SMARCC2: variants seen among roughly 807,000 people sequenced by gnomAD.
SMARCC2 encodes SWI/SNF related BAF chromatin remodeling complex subunit C2.
Under a neutral mutation model 151.3 loss-of-function variants are expected in SMARCC2, and 15 were observed. The ratio of observed to expected loss-of-function variants is 0.10; its 90% CI spans 0.07 to 0.15. The LOEUF is 0.15. SMARCC2 is among the 10% of genes least tolerant of loss of function. SMARCC2 has a pLI of 1.00. For synonymous variants in SMARCC2, 590 were observed against 609.5 expected, an observed-to-expected ratio of 0.97 and a Z score of 0.47; for missense variants, 1,031 against 1,599.7, an observed-to-expected ratio of 0.64 and a Z score of 6.06.
chr12:56,188,672 C>G (rs184829240), intron 1 of SMARCC2, among the ~76,000 whole-genome samples: 17 of 152,244 alleles, frequency 1.1e-4, no homozygotes, highest in Admixed American at 2.0e-4. Flanking sequence ...CAGGGTACTG[C>G]AAAGCTAGGT....
chr12:56,186,192 G>A lies in SMARCC2; in HGVS notation c.280C>T (p.Leu94Phe), dbSNP rs1010125057. The change falls in exon 3 of 29, where the codon CTT (leucine) becomes TTT (phenylalanine). Residue 94 changes from leucine (L) to phenylalanine (F), a missense_variant. Physicochemically the swap from Leu to Phe is conservative, Grantham distance 22. Transcript: ENST00000550164. ...FKAGGSLCHI[L>F]AAAYKFKSDQ... Reference sequence around the variant, plus strand: ...CTCTTGAATTTGTAGGCAGCTGCAAGAATGTGGCACAAGGAGCCTCCCGCT... The same window carrying A: ...CTCTTGAATTTGTAGGCAGCTGCAAAAATGTGGCACAAGGAGCCTCCCGCT... 1.2e-6 allele frequency: 2 copies of A among 1,612,966 alleles called. No homozygotes were observed. The highest frequency in any genetic ancestry group is 1.1e-5 in the South Asian group (1 of 91,058).
At chr12:56,183,140 T>C (rs1876564807) in intron 7 of SMARCC2, among the ~76,000 whole-genome samples, 1 of 151,894 alleles carries the variant, frequency 6.6e-6, no homozygotes, top group African/African-American at 2.4e-5. Flanking sequence ...GCACCCAGCC[T>C]ACGTGCTATT....
At position 56,177,613 on chromosome 12, in the gene SMARCC2, C is replaced by A. The variant is rs374587264; in HGVS notation, c.1382+409G>T. Among the ~76,000 whole-genome samples, 31 of 152,116 alleles carry A rather than the reference C, an allele frequency of 2.0e-4. No individual in the cohort carries two copies. The East Asian group carries it at 3.3e-3, about 16-fold the overall frequency. ...TATATAAACTGGTCTTCTATTAGTT[C>A]CTTCTCTTGTTTTTCTATTAAAACC... On this transcript the variant is annotated intron_variant, in intron 15 of 28. Transcript: ENST00000550164.
chr12:56,183,093 G>A (rs992415527), intron 7 of SMARCC2, among the ~76,000 whole-genome samples: 3 of 151,600 alleles, frequency 2.0e-5, no homozygotes, highest in African/African-American at 7.3e-5. Context: ...GCCCACCTCA[G>A]CCTCCCCAAG....
chr12:56,164,251 C>T (rs1306931249), intron 28 of SMARCC2, 52 bp downstream of exon 28: 1 of 1,554,268 alleles, frequency 6.4e-7, no homozygotes, highest in African/African-American at 1.4e-5. Context: ...CTCACCCTCC[C>T]TCCAGGTGGA....
chr12:56,186,163 G>T lies in SMARCC2; in HGVS notation c.309C>A (p.Asp103Glu). ...ILAAAYKFKS[D>E]QGWRRYDFQN... is the part of the protein sequence containing the mutation. ...AGAGAGAATCATCTCACCATCCCTG[G>T]TCACTCTTGAATTTGTAGGCAGCTG... is the stretch of plus-strand genomic sequence containing the variant. The change falls in exon 3 of 29, where the codon GAC becomes GAA. Residue 103 changes from aspartate to glutamate, a missense_variant. Physicochemically the swap from Asp to Glu is conservative, Grantham distance 45. Around this residue, in one of 12 missense-constraint regions of SMARCC2, gnomAD observed 16 missense variants for 56.0 expected, o/e 0.29. Transcript: ENST00000550164. The T allele has an allele frequency of 6.2e-7, 1 of 1,602,432 alleles. No individual in the cohort carries two copies. The highest frequency in any genetic ancestry group is 8.6e-7 in the Non-Finnish European group (1 of 1,169,374).
At position 56,174,686 on chromosome 12, in the gene SMARCC2, G is replaced by T. The variant is rs141362558; in HGVS notation, c.1461C>A (p.Arg487=). 292 of 1,613,994 alleles carry T rather than the reference G, an allele frequency of 1.8e-4. 1 individual carries two copies. The highest frequency in any genetic ancestry group is 7.6e-6 in the Non-Finnish European group (9 of 1,179,968). ...CACAGACATCACCCGCTAGGTTTCG[G>T]CGGCAGGCGGTAGAGGTAAGATACT... ...PQEYLTSTAC[R]RNLAGDVCAI... The change falls in exon 16 of 29, where the codon CGC becomes CGA. Residue 487 remains arginine, a synonymous_variant. Transcript: ENST00000550164.
At chr12:56,165,277 G>C (rs1872562206) in intron 27 of SMARCC2, 41 bp downstream of exon 27, 2 of 1,455,570 alleles carry the variant, frequency 1.4e-6, no homozygotes, top group Non-Finnish European at 1.8e-6. Context: ...CATTCACCTG[G>C]ATTCCTCTAG....
chr12:56,176,047 C>T (rs1190505127), intron 15 of SMARCC2, among the ~76,000 whole-genome samples: 2 of 151,986 alleles, frequency 1.3e-5, no homozygotes, highest in African/African-American at 2.4e-5. Flanking sequence ...TTAGTAGAGA[C>T]GGGGTTTCAC....
chr12:56,165,415 C>T lies in SMARCC2; in HGVS notation c.3135G>A (p.Gly1045=). The T allele has an allele frequency of 1.3e-6, 2 of 1,513,026 alleles. No individual in the cohort carries two copies. Among genetic ancestry groups the T allele is most frequent in the East Asian group, 2.3e-5 (1 of 42,840 alleles). 93.7% of individuals were successfully genotyped at this position (1,513,026 alleles called of 1,614,324 possible). A position where few individuals can be genotyped will look rare whatever the true frequency, so the allele number is the denominator to read the frequency against. ...PGSLGPSEQI[G]QAGSTAGPQQ... is the part of the protein sequence containing the mutation. ...GTGGCCCTGCAGTTGACCCTGCCTG[C>T]CCAATCTGTTCAGAAGGGCCCAAAC... Residue 1045 remains glycine, a synonymous_variant, in exon 27 of 29, where the codon GGG becomes GGA. Coordinates refer to ENST00000550164, the MANE Select transcript of SMARCC2 (RefSeq NM_001330288.2).
In SMARCC2 at chr12:56,181,841, G is replaced by A. The variant is rs747718959; in HGVS notation, c.709-6C>T. Reference sequence around the variant, plus strand: ...AGGATCCACTTTGCATGAACCTAAAGTACAAAGGCAGATCATGCTGCAGAG... The same window carrying A: ...AGGATCCACTTTGCATGAACCTAAAATACAAAGGCAGATCATGCTGCAGAG... On this transcript the variant is annotated splice_polypyrimidine_tract_variant and splice_region_variant and intron_variant, in intron 8 of 28. Transcript: ENST00000550164. 13 of 1,614,112 alleles carry A rather than the reference G, an allele frequency of 8.1e-6. No homozygotes were observed. In the South Asian group the frequency reaches 9.9e-5, roughly 12 times the overall value.
intron 9 of SMARCC2, 51 bp from the exon 10 acceptor site, chr12:56,181,648 AT>A: frequency 6.2e-7 from 1 of 1,613,272 alleles, no homozygotes; most frequent in Non-Finnish European, 8.5e-7. Flanking sequence ...CCCACTGAAG[AT>A]TTGTTCTGAG....
intron 27 of SMARCC2, among the ~76,000 whole-genome samples, chr12:56,164,976 C>T (rs573448722): frequency 8.7e-4 from 133 of 152,164 alleles, no homozygotes; most frequent in Non-Finnish European, 1.6e-3. Context: ...TTACTAGAGA[C>T]GGGGTTTCAA....
chr12:56,166,550 A>G lies in SMARCC2; in HGVS notation c.2851-851T>C, dbSNP rs17118338. ...ATATTCATTTGATGTCTCCCATTAA[A>G]CCTTAAGTTCTCTGAGGTCCCTATC... On this transcript the variant is annotated intron_variant, in intron 26 of 28. Coordinates refer to ENST00000550164, the MANE Select transcript of SMARCC2 (RefSeq NM_001330288.2). Among the ~76,000 whole-genome samples, 457 of 148,632 alleles carry G rather than the reference A, an allele frequency of 3.1e-3. 18 individuals carry two copies. In the East Asian group the frequency reaches 0.079, roughly 26 times the overall value.
intron 25 of SMARCC2, among the ~76,000 whole-genome samples, chr12:56,168,749 C>T (rs902424845): frequency 6.6e-6 from 1 of 152,052 alleles, no homozygotes; most frequent in African/African-American, 2.4e-5. Flanking sequence ...GAGGCTAAGG[C>T]GAGCAGATCA....
intron 25 of SMARCC2, among the ~76,000 whole-genome samples, chr12:56,168,722 T>TATTAC: frequency 6.6e-6 from 1 of 152,156 alleles, no homozygotes; most frequent in Middle Eastern, 3.4e-3. Flanking sequence ...CTCATGCCTG[T>TATTAC]AATCCCAGCG....
intron 7 of SMARCC2, among the ~76,000 whole-genome samples, chr12:56,182,765 TC>T (rs1239469746): frequency 6.9e-6 from 1 of 145,962 alleles, no homozygotes; most frequent in Non-Finnish European, 1.5e-5. Flanking sequence ...TCCACAATTT[TC>T]TTTTTACATA....
intron 3 of SMARCC2, 137 bp from the exon 4 acceptor site, chr12:56,185,248 G>A (rs1439796466): frequency 2.6e-5 from 17 of 666,238 alleles, no homozygotes; most frequent in Non-Finnish European, 3.8e-5. Flanking sequence ...GCGCGATCCC[G>A]GCTCACTGCA....
intron 10 of SMARCC2, 75 bp downstream of exon 10, chr12:56,181,407 G>A (rs1231090459): frequency 3.7e-5 from 35 of 955,068 alleles, no homozygotes; most frequent in Non-Finnish European, 5.5e-5. Context: ...GTTATAGGAA[G>A]GGATTTGTCT....
Sources: allele counts gnomAD v4.1 joint callset (sites outside exome capture counted in the v4.1 genomes callset), GRCh38; gene constraint gnomAD v4.1.1; regional missense constraint gnomAD v4.1.1; transcripts MANE v1.5; gene names NCBI Gene and HGNC (gene_info 2026-07-23, HGNC 2026-07-21).